Variants in INSL6 observed in about 807,000 individuals in gnomAD.
The protein encoded by INSL6 is insulin-like peptide INSL6.
INSL6 carries 16 observed loss-of-function variants against 9.4 expected under a neutral mutation model. That is an observed-to-expected ratio of 1.70 (90% CI 1.15 to 2.59). INSL6 has a LOEUF of 2.59. INSL6 is among the 30% of genes most tolerant of loss of function. The probability of loss-of-function intolerance (pLI) is 0.00; values close to 1 mark genes in which losing one functional copy is unlikely to be tolerated. For missense variants in INSL6, 391 were observed against 257.3 expected, an observed-to-expected ratio of 1.52 and a Z score of -3.56; for synonymous variants, 154 against 96.9, an observed-to-expected ratio of 1.59 and a Z score of -3.46.
chr9:5,171,004 T>C (rs529689036), intron 1 of INSL6, among the ~76,000 whole-genome samples: 72 of 152,208 alleles, frequency 4.7e-4, no homozygotes, highest in African/African-American at 1.6e-3. Flanking sequence ...GCCAGCATCA[T>C]CCTGATACCA....
At chr9:5,022,811 C>G in the INSL6 span, among the ~76,000 whole-genome samples, 1 of 152,202 alleles carries the variant, frequency 6.6e-6, no homozygotes, top group Non-Finnish European at 1.5e-5. Context: ...AGCCTACTAT[C>G]ATGGTATCTC....
At chr9:5,126,730 G>A (rs1437629509) in intron 3 of INSL6, 4 of 1,610,914 alleles carry the variant, frequency 2.5e-6, no homozygotes, top group Admixed American at 1.7e-5. Context: ...GTAAATCAAC[G>A]CCCCTCCTTT....
chr9:5,025,240 A>C, the INSL6 span, among the ~76,000 whole-genome samples: 4 of 152,102 alleles, frequency 2.6e-5, no homozygotes, highest in African/African-American at 9.7e-5. Flanking sequence ...ATGGAAGTAA[A>C]GTTTAAGATT....
the INSL6 span, among the ~76,000 whole-genome samples, chr9:5,093,621 G>C: frequency 7.9e-5 from 12 of 152,218 alleles, no homozygotes; most frequent in East Asian, 2.3e-3. Flanking sequence ...TTTGGTTGGG[G>C]TGACCTCATA....
At chr9:5,182,234 A>T (rs1825472938) in intron 1 of INSL6, among the ~76,000 whole-genome samples, 1 of 152,196 alleles carries the variant, frequency 6.6e-6, no homozygotes, top group East Asian at 1.9e-4. Flanking sequence ...AGTAGTTAGA[A>T]GCAATGGACT....
chr9:5,094,228 C>G, the INSL6 span: 2 of 152,140 alleles, frequency 1.3e-5, no homozygotes, highest in African/African-American at 4.8e-5. Context: ...TTTGCTGACC[C>G]AATAAAACTT....
At chr9:5,177,994 GC>G (rs1825351459) in intron 1 of INSL6, among the ~76,000 whole-genome samples, 1 of 152,166 alleles carries the variant, frequency 6.6e-6, no homozygotes, top group Non-Finnish European at 1.5e-5. Flanking sequence ...TCCCGCCTCA[GC>G]CTCCCAAGTA....
the INSL6 span, among the ~76,000 whole-genome samples, chr9:5,033,962 C>G: frequency 3.9e-5 from 6 of 152,282 alleles, no homozygotes; most frequent in East Asian, 9.6e-4. Flanking sequence ...GATAAAGAGT[C>G]AAGACCCATC....
At position 5,185,616 on chromosome 9, in the gene INSL6, G is replaced by A. The variant is rs777956205; in HGVS notation, c.-14C>T. The A allele has an allele frequency of 5.1e-5, 82 of 1,606,810 alleles. No homozygotes were observed. In the Middle Eastern group the frequency reaches 1.2e-3, roughly 23 times the overall value. ...GAGCCGCGGCATCCCTGTGACCCCA[G>A]GCTAGTCCTCCGCGTTGTGCAATGG... On this transcript the variant is annotated 5_prime_UTR_variant, in exon 1 of 2. Transcript: ENST00000381641.
chr9:5,120,436 C>T (rs1373112787), downstream of INSL6, among the ~76,000 whole-genome samples: 1 of 152,164 alleles, frequency 6.6e-6, no homozygotes, highest in Non-Finnish European at 1.5e-5. Flanking sequence ...TTTTTAAAAA[C>T]TCAATTTCAT....
the INSL6 span, among the ~76,000 whole-genome samples, chr9:5,096,417 G>C: frequency 5.3e-5 from 8 of 152,080 alleles, no homozygotes; most frequent in Non-Finnish European, 1.2e-4. Context: ...TTGCTAGATC[G>C]GTGGAATTCA....
chr9:5,049,650 C>T, the INSL6 span, among the ~76,000 whole-genome samples: 8 of 152,074 alleles, frequency 5.3e-5, no homozygotes, highest in Non-Finnish European at 1.0e-4. Context: ...AATTTTGGTC[C>T]CCTTGATGAC....
the INSL6 span, chr9:5,099,545 G>C: frequency 1.3e-5 from 2 of 151,886 alleles, no homozygotes; most frequent in Non-Finnish European, 2.9e-5. Flanking sequence ...AAAACACAAG[G>C]CTTCCTGAGA....
chr9:5,125,675 T>C (rs1375085853), intron 3 of INSL6, among the ~76,000 whole-genome samples: 2 of 113,624 alleles, frequency 1.8e-5, no homozygotes, highest in Non-Finnish European at 3.6e-5. Flanking sequence ...TATTTTTATG[T>C]ACTTTTGCCA....
At chr9:4,993,178 G>C in the INSL6 span, among the ~76,000 whole-genome samples, 1 of 152,126 alleles carries the variant, frequency 6.6e-6, no homozygotes, top group East Asian at 1.9e-4. Flanking sequence ...CTTTTGAGAG[G>C]AACTCTTTCC....
At chr9:5,121,581 A>G (rs1226325307), downstream of INSL6, among the ~76,000 whole-genome samples, 1 of 152,168 alleles carries the variant, frequency 6.6e-6, no homozygotes, top group Admixed American at 6.5e-5. Context: ...CTGAATTCCC[A>G]AGAGATAGTT....
intron 1 of INSL6, among the ~76,000 whole-genome samples, chr9:5,167,257 C>T (rs2130908248): frequency 6.6e-6 from 1 of 152,326 alleles, no homozygotes; most frequent in East Asian, 1.9e-4. Flanking sequence ...ACCTGGGGAT[C>T]AGGAGGTCCC....
At chr9:5,046,311 CCTT>C in the INSL6 span, among the ~76,000 whole-genome samples, 1 of 152,092 alleles carries the variant, frequency 6.6e-6, no homozygotes, top group Non-Finnish European at 1.5e-5. Flanking sequence ...GATCTTAACT[CCTT>C]ATAAGATACA....
chr9:5,057,732 C>A, the INSL6 span, among the ~76,000 whole-genome samples: 21 of 151,990 alleles, frequency 1.4e-4, no homozygotes, highest in Non-Finnish European at 2.6e-4. Flanking sequence ...CAGGTGCACG[C>A]CACCATGCTT....
Sources: allele counts gnomAD v4.1 joint callset (sites outside exome capture counted in the v4.1 genomes callset), GRCh38; gene constraint gnomAD v4.1.1; transcripts MANE v1.5; gene names NCBI Gene and HGNC (gene_info 2026-07-23, HGNC 2026-07-21).